Variants in ARF1 observed in about 807,000 individuals in gnomAD.
The protein encoded by ARF1 is ARF GTPase 1.
ARF1 carries 1 observed loss-of-function variant against 18.0 expected under a neutral mutation model. The observed-to-expected ratio is 0.06, with a 90% CI of 0.02 to 0.26. ARF1 has a LOEUF of 0.26. ARF1 is among the 10% of genes least tolerant of loss of function. ARF1 has a pLI of 1.00. For missense variants in ARF1, 73 were observed against 247.2 expected (o/e 0.30, Z 4.73); for synonymous variants, 112 against 96.3 (o/e 1.16, Z -0.95).
In ARF1 at chr1:228,089,804, C is replaced by G. The variant is rs1275539775; in HGVS notation, c.-38+7039C>G. ...CTTCAGGGCCCTGGATCCCCCAGCC[C>G]CACACAATGGTGGGCCTATGTTCGT... is the stretch of plus-strand genomic sequence containing the variant. On this transcript the variant is annotated intron_variant, in intron 1 of 4. Transcript: ENST00000272102. The surrounding 1 kb of genome is among the most constrained non-coding windows in gnomAD (Gnocchi z 4.1). Among the ~76,000 whole-genome samples the G allele has an allele frequency of 6.6e-6, 1 of 152,138 alleles. No homozygotes were observed. Among genetic ancestry groups the G allele is most frequent in the African/African-American group, 2.4e-5 (1 of 41,420 alleles).
rs1191291018 is a variant in ARF1 at position 228,097,321 on chromosome 1, C to A, written c.149-21C>A. 2 of 1,612,494 alleles carry A rather than the reference C, an allele frequency of 1.2e-6. No homozygotes were observed. Among genetic ancestry groups the A allele is most frequent in the African/African-American group, 2.7e-5 (2 of 74,878 alleles). On this transcript the variant is annotated intron_variant, in intron 2 of 4. Coordinates refer to ENST00000272102, the MANE Select transcript of ARF1 (RefSeq NM_001658.4). The surrounding 1 kb of genome is among the most constrained non-coding windows in gnomAD (Gnocchi z 8.1). ...TGGGCTGGGCCAAGGTACAAGGCCT[C>A]ACCCTGCATCCCGCACCCAGGCTTC...
At chr1:228,086,569 A>G (rs2032409579) in intron 1 of ARF1, among the ~76,000 whole-genome samples, 1 of 152,130 alleles carries the variant, frequency 6.6e-6, no homozygotes, top group Non-Finnish European at 1.5e-5. Flanking sequence ...GTTGATGGGA[A>G]ATACCCGAAA....
In ARF1 at chr1:228,094,440, CTT is replaced by C. The variant is rs1244935832; in HGVS notation, c.-37-2635_-37-2634del. On this transcript the variant is annotated intron_variant, in intron 1 of 4. Transcript: ENST00000272102. ...CCTGGAGTAACTCATAAAAGGCCCT[CTT>C]TTCGTTCCATTTCATGCTTGGGTTT... is the stretch of plus-strand genomic sequence containing the variant. Among the ~76,000 whole-genome samples the C allele has an allele frequency of 5.3e-5, 8 of 152,262 alleles. No homozygotes were observed. The East Asian group carries it at 5.8e-4, about 11-fold the overall frequency.
intron 1 of ARF1, chr1:228,083,413 G>GAC (rs796267177): frequency 2.0e-5 from 3 of 152,480 alleles, no homozygotes; most frequent in African/African-American, 7.2e-5. Flanking sequence ...CGGGCAGGTG[G>GAC]ACAGGAACCC....
At chr1:228,095,731 C>G (rs990441818) in intron 1 of ARF1, among the ~76,000 whole-genome samples, 1 of 152,160 alleles carries the variant, frequency 6.6e-6, no homozygotes, top group African/African-American at 2.4e-5. Context: ...CCTTTTCTCT[C>G]TGCCCTTCAA....
rs1385117841 is a variant in ARF1, at chr1:228,098,321, C to G, written c.*308C>G. On this transcript the variant is annotated 3_prime_UTR_variant, in exon 5 of 5. Coordinates refer to ENST00000272102, the MANE Select transcript of ARF1 (RefSeq NM_001658.4). ...ATGTAGGCCCATGGGCACCTGGCCT[C>G]CAGGAGTCGCTGTGTTGGGAGAGCC... is the stretch of plus-strand genomic sequence containing the variant. 8.7e-6 allele frequency: 2 copies of G among 229,194 alleles called. No individual in the cohort carries two copies. The highest frequency in any genetic ancestry group is 1.7e-5 in the Non-Finnish European group (2 of 118,974). 14.2% of individuals were successfully genotyped at this position (229,194 alleles called of 1,614,324 possible).
At chr1:228,092,640 C>T (rs1029830609) in intron 1 of ARF1, among the ~76,000 whole-genome samples, 21 of 152,202 alleles carry the variant, frequency 1.4e-4, no homozygotes, top group Admixed American at 1.0e-3. Context: ...CTGTTACATA[C>T]ACCAGCTCTG....
In ARF1 at chr1:228,098,294, G is replaced by A. The variant is rs983000891; in HGVS notation, c.*281G>A. The A allele has an allele frequency of 6.2e-5, 17 of 276,068 alleles. No homozygotes were observed. Among genetic ancestry groups the A allele is most frequent in the African/African-American group, 3.3e-4 (15 of 45,156 alleles). 17.1% of individuals were successfully genotyped at this position (276,068 alleles called of 1,614,324 possible). ...CAACTCACTGTTCAGTGCTGAGAGG[G>A]GATGTAGGCCCATGGGCACCTGGCC... On this transcript the variant is annotated 3_prime_UTR_variant, in exon 5 of 5. Transcript: ENST00000272102.
At chr1:228,094,748 T>G (rs1031011914) in intron 1 of ARF1, among the ~76,000 whole-genome samples, 1 of 152,192 alleles carries the variant, frequency 6.6e-6, no homozygotes, top group Non-Finnish European at 1.5e-5. Context: ...TTGGGAGTTA[T>G]TTTCATTCTC....
In ARF1 at chr1:228,097,789, G is replaced by A. The variant is rs2032799829; in HGVS notation, c.385-63G>A. On this transcript the variant is annotated intron_variant, in intron 4 of 4. Transcript: ENST00000272102. This position sits in a 1 kb window ranked among gnomAD's most constrained non-coding sequence, Gnocchi z 8.1. ...CGCCTGGTGGTAGGGGTTACTGGAG[G>A]CTGGTGGGGCCCCTTTCTCTGTCCT... 1 of 1,587,592 alleles carries A rather than the reference G, an allele frequency of 6.3e-7. No homozygotes were observed. The highest frequency in any genetic ancestry group is 1.7e-5 in the Admixed American group (1 of 57,834).
At chr1:228,087,509 C>T (rs925647639) in intron 1 of ARF1, among the ~76,000 whole-genome samples, 1 of 152,196 alleles carries the variant, frequency 6.6e-6, no homozygotes, top group African/African-American at 2.4e-5. Flanking sequence ...GTGGCTCACA[C>T]CTGTGTAGTG....
chr1:228,095,473 G>A (rs1322075400), intron 1 of ARF1, among the ~76,000 whole-genome samples: 1 of 152,222 alleles, frequency 6.6e-6, no homozygotes, highest in Non-Finnish European at 1.5e-5. Flanking sequence ...GCCCAGGATG[G>A]CTTTGAACCC....
chr1:228,098,277 T>G lies in ARF1; in HGVS notation c.*264T>G. The G allele has an allele frequency of 3.0e-6, 1 of 338,780 alleles. No individual in the cohort carries two copies. The highest frequency in any genetic ancestry group is 5.3e-6 in the Non-Finnish European group (1 of 188,032). The allele number at this position is 338,780 out of a possible 1,614,324, so 21.0% of individuals were successfully genotyped here. ...ATTGTAAAAAGAAAAATCAACTCAC[T>G]GTTCAGTGCTGAGAGGGGATGTAGG... On this transcript the variant is annotated 3_prime_UTR_variant, in exon 5 of 5. Coordinates refer to ENST00000272102, the MANE Select transcript of ARF1 (RefSeq NM_001658.4).
chr1:228,087,392 C>T (rs1004160386), intron 1 of ARF1, among the ~76,000 whole-genome samples: 1 of 152,212 alleles, frequency 6.6e-6, no homozygotes, highest in African/African-American at 2.4e-5. Context: ...TGCAGTTGCT[C>T]ACTCACCAAT....
intron 1 of ARF1, among the ~76,000 whole-genome samples, chr1:228,088,643 C>T (rs1311504321): frequency 1.3e-5 from 2 of 152,136 alleles, no homozygotes; most frequent in Non-Finnish European, 2.9e-5. Flanking sequence ...ATTCAGTTTC[C>T]AGAAGGAAAA....
intron 1 of ARF1, chr1:228,090,447 G>A (rs1230293417): frequency 6.6e-6 from 1 of 152,278 alleles, no homozygotes; most frequent in Non-Finnish European, 1.5e-5. Flanking sequence ...TGCAGGGAGA[G>A]GTGGGGGTAG....
chr1:228,093,641 A>AT (rs1558085930), intron 1 of ARF1, among the ~76,000 whole-genome samples: 1 of 149,296 alleles, frequency 6.7e-6, no homozygotes, highest in Non-Finnish European at 1.5e-5. Flanking sequence ...AAAAAAAAAA[A>AT]TCCGGGCGTG....
At chr1:228,090,945 C>G (rs903526003) in intron 1 of ARF1, 3 of 152,250 alleles carry the variant, frequency 2.0e-5, no homozygotes, top group Non-Finnish European at 2.9e-5. Context: ...TTCAGCAGCC[C>G]TGGGAGTCCA....
At chr1:228,090,121 C>T (rs2032530675) in intron 1 of ARF1, among the ~76,000 whole-genome samples, 1 of 152,232 alleles carries the variant, frequency 6.6e-6, no homozygotes, top group African/African-American at 2.4e-5. Context: ...CTCGTCCTGC[C>T]CTCTTGGCTT....
Sources: allele counts gnomAD v4.1 joint callset (sites outside exome capture counted in the v4.1 genomes callset), GRCh38; gene constraint gnomAD v4.1.1; non-coding constraint Gnocchi (gnomAD v3.1); transcripts MANE v1.5; gene names NCBI Gene and HGNC (gene_info 2026-07-23, HGNC 2026-07-21).